Variants in MLIP observed in about 807,000 individuals in gnomAD.
MLIP encodes the protein muscular LMNA-interacting protein.
MLIP carries 79 observed loss-of-function variants against 84.8 expected under a neutral mutation model. The ratio of observed to expected loss-of-function variants is 0.93; its 90% CI spans 0.78 to 1.12. The LOEUF is 1.12. MLIP is among the 50% of genes most tolerant of loss of function. The probability of loss-of-function intolerance (pLI) is 0.00; values close to 1 mark genes in which losing one functional copy is unlikely to be tolerated. For missense variants in MLIP, 1,257 were observed against 1,160.6 expected, an observed-to-expected ratio of 1.08 and a Z score of -1.21; for synonymous variants, 504 against 463.0, an observed-to-expected ratio of 1.09 and a Z score of -1.14.
intron 11 of MLIP, among the ~76,000 whole-genome samples, chr6:54,223,033 A>AATATCTGTTC (rs1212022230): frequency 2.0e-5 from 3 of 151,948 alleles, no homozygotes; most frequent in African/African-American, 7.2e-5. Flanking sequence ...TCTTTTGAAA[A>AATATCTGTTC]ATATCTGTTC....
intron 10 of MLIP, among the ~76,000 whole-genome samples, chr6:54,190,800 T>C (rs937432044): frequency 3.3e-5 from 5 of 150,754 alleles, no homozygotes; most frequent in East Asian, 1.9e-4. Context: ...GATTTTCTTT[T>C]TTTTTTTTTT....
At chr6:54,078,508 T>C (rs932509427) in intron 1 of MLIP, among the ~76,000 whole-genome samples, 32 of 152,228 alleles carry the variant, frequency 2.1e-4, no homozygotes, top group Admixed American at 1.7e-3. Flanking sequence ...TGCTTCAGCC[T>C]GAGGCTGCTG....
chr6:54,164,064 G>A (rs921992012), intron 8 of MLIP, among the ~76,000 whole-genome samples: 5 of 151,830 alleles, frequency 3.3e-5, no homozygotes, highest in Admixed American at 1.3e-4. Flanking sequence ...TTACAGAATT[G>A]CTCTATAGTT....
intron 9 of MLIP, among the ~76,000 whole-genome samples, chr6:54,186,086 A>T (rs1045948870): frequency 6.6e-6 from 1 of 152,056 alleles, no homozygotes; most frequent in South Asian, 2.1e-4. Context: ...ACTGTGTACA[A>T]AGGACTTCAT....
intron 1 of MLIP, chr6:54,083,399 G>C: frequency 7.2e-7 from 1 of 1,393,618 alleles, no homozygotes; most frequent in Non-Finnish European, 9.6e-7. Context: ...GTCCAGAGTT[G>C]TTGGGGAAGC....
chr6:54,129,662 A>G (rs1368894004), intron 3 of MLIP, among the ~76,000 whole-genome samples: 2 of 152,204 alleles, frequency 1.3e-5, no homozygotes, highest in African/African-American at 4.8e-5. Context: ...TTAAACGTTC[A>G]TGTTGGATTC....
chr6:54,080,318 CA>C (rs1052812800), intron 1 of MLIP, among the ~76,000 whole-genome samples: 1 of 151,974 alleles, frequency 6.6e-6, no homozygotes, highest in East Asian at 1.9e-4. Context: ...CTTTCTCAAA[CA>C]AAAAAATTAT....
chr6:54,233,060 A>C (rs1177855245), intron 12 of MLIP, among the ~76,000 whole-genome samples: 1 of 152,222 alleles, frequency 6.6e-6, no homozygotes, highest in East Asian at 1.9e-4. Context: ...AACTGGGTGC[A>C]TCATATCCTA....
chr6:54,173,648 G>T (rs1463564901), intron 9 of MLIP, among the ~76,000 whole-genome samples: 2 of 151,690 alleles, frequency 1.3e-5, no homozygotes, highest in African/African-American at 4.8e-5. Flanking sequence ...TTTTGATATA[G>T]GAATGCAATG....
intron 12 of MLIP, among the ~76,000 whole-genome samples, chr6:54,239,382 A>C (rs918529723): frequency 8.5e-5 from 12 of 141,446 alleles, no homozygotes; most frequent in South Asian, 2.1e-4. Flanking sequence ...ATATATATAT[A>C]ATATATATAT....
chr6:54,023,176 T>A (rs2397155), intron 1 of MLIP, among the ~76,000 whole-genome samples: 35,814 of 95,380 alleles, frequency 0.38, 4,889 homozygotes, highest in Admixed American at 0.5. Context: ...CAAAAAATAA[T>A]AATAATAATA....
At chr6:54,052,356 AC>A (rs2150318598) in intron 1 of MLIP, among the ~76,000 whole-genome samples, 1 of 152,268 alleles carries the variant, frequency 6.6e-6, no homozygotes, top group Non-Finnish European at 1.5e-5. Context: ...GCAGAAGGAA[AC>A]TTTTAAGTTC....
chr6:54,157,798 A>C (rs1390396541), intron 5 of MLIP, among the ~76,000 whole-genome samples: 1 of 152,134 alleles, frequency 6.6e-6, no homozygotes, highest in African/African-American at 2.4e-5. Context: ...AGTTCCTGCC[A>C]ATCATTTCTC....
intron 9 of MLIP, among the ~76,000 whole-genome samples, chr6:54,185,381 G>A (rs957330366): frequency 2.0e-5 from 3 of 152,100 alleles, no homozygotes; most frequent in Non-Finnish European, 4.4e-5. Context: ...GCAGTGATAC[G>A]GAGTTCATAA....
intron 10 of MLIP, among the ~76,000 whole-genome samples, chr6:54,192,500 TAA>T (rs933375770): frequency 1.3e-5 from 2 of 152,036 alleles, no homozygotes; most frequent in African/African-American, 2.4e-5. Flanking sequence ...ACACTATTTA[TAA>T]AGTTATAATT....
chr6:54,202,338 T>A (rs1778748688), intron 11 of MLIP, 105 bp downstream of exon 11: 2 of 582,186 alleles, frequency 3.4e-6, no homozygotes, highest in Non-Finnish European at 4.6e-6. Flanking sequence ...AATAAAGATG[T>A]CTCTATGAAT....
intron 1 of MLIP, among the ~76,000 whole-genome samples, chr6:54,075,584 G>A (rs969691888): frequency 6.6e-6 from 1 of 152,080 alleles, no homozygotes; most frequent in Non-Finnish European, 1.5e-5. Context: ...GTTAGTAACT[G>A]CATTATTTGG....
At chr6:54,124,998 T>C (rs1770801672) in intron 3 of MLIP, 133 bp downstream of exon 3, 2 of 665,070 alleles carry the variant, frequency 3.0e-6, no homozygotes, top group South Asian at 3.8e-5. Flanking sequence ...AAAAAACCAT[T>C]ATCTCAGGGT....
chr6:54,022,893 C>T (rs1466291987), intron 1 of MLIP, among the ~76,000 whole-genome samples: 1 of 151,960 alleles, frequency 6.6e-6, no homozygotes, highest in African/African-American at 2.4e-5. Flanking sequence ...AATGGCCGGG[C>T]GCGGTGGCTC....
Sources: gnomAD v4.1 joint callset for allele counts (sites outside exome capture counted in the v4.1 genomes callset) on GRCh38, gnomAD v4.1.1 for gene constraint, MANE v1.5 for transcripts, NCBI Gene and HGNC (gene_info 2026-07-23, HGNC 2026-07-21) for gene names.